The following UNC5D variants were observed in gnomAD, a reference collection of about 807,000 sequenced individuals.
The protein encoded by UNC5D is unc-5 netrin receptor D.
Under a neutral mutation model 105.4 loss-of-function variants are expected in UNC5D, and 39 were observed. That is an observed-to-expected ratio of 0.37 (90% confidence interval 0.29 to 0.48). UNC5D has a LOEUF of 0.48. Ranked by LOEUF, UNC5D falls within the 20% of genes least tolerant of loss-of-function variation. The pLI is 0.98. For synonymous variants in UNC5D, 452 were observed against 450.4 expected, an observed-to-expected ratio of 1.00 and a Z score of -0.04; for missense variants, 991 against 1,202.4, an observed-to-expected ratio of 0.82 and a Z score of 2.60.
At chr8:35,419,343 G>A (rs1805734842) in intron 1 of UNC5D, among the ~76,000 whole-genome samples, 1 of 152,150 alleles carries the variant, frequency 6.6e-6, no homozygotes, top group Admixed American at 6.5e-5. Context: ...CTTCCCACTT[G>A]GCCAAGCAGG....
chr8:35,605,991 T>A (rs1820266976), intron 4 of UNC5D, among the ~76,000 whole-genome samples: 2 of 151,928 alleles, frequency 1.3e-5, no homozygotes, highest in African/African-American at 4.8e-5. Context: ...TTTATTTATT[T>A]TTTATTTTTT....
At chr8:35,636,522 C>T (rs536324335) in intron 4 of UNC5D, among the ~76,000 whole-genome samples, 5 of 152,114 alleles carry the variant, frequency 3.3e-5, no homozygotes, top group Non-Finnish European at 7.3e-5. Context: ...GTTCCCCTAG[C>T]ATGGAGATAC....
chr8:35,308,859 A>G (rs1275061526), intron 1 of UNC5D, among the ~76,000 whole-genome samples: 1 of 152,190 alleles, frequency 6.6e-6, no homozygotes, highest in Non-Finnish European at 1.5e-5. Flanking sequence ...AATTGAAAAA[A>G]AAAATTATGA....
chr8:35,748,714 T>C lies in UNC5D; in HGVS notation c.1935+19T>C. 3 of 1,607,124 alleles carry C rather than the reference T, an allele frequency of 1.9e-6. No individual in the cohort carries two copies. The highest frequency in any genetic ancestry group is 2.5e-6 in the Non-Finnish European group (3 of 1,177,202). ...ATGGGAGGTGAGACCCTTTACTTCCTTTTTTAAACAGTGGGATTTGGGTTC... is the reference window on the plus strand; with the variant it reads ...ATGGGAGGTGAGACCCTTTACTTCCCTTTTTAAACAGTGGGATTTGGGTTC... On this transcript the variant is annotated intron_variant, in intron 12 of 16. Coordinates refer to ENST00000404895, the MANE Select transcript of UNC5D (RefSeq NM_080872.4).
intron 3 of UNC5D, among the ~76,000 whole-genome samples, chr8:35,580,941 G>A (rs900058027): frequency 6.6e-6 from 1 of 152,174 alleles, no homozygotes; most frequent in Non-Finnish European, 1.5e-5. Flanking sequence ...GAGTTACAGA[G>A]TGAGGAAGTA....
At chr8:35,381,412 T>C (rs1347202289) in intron 1 of UNC5D, among the ~76,000 whole-genome samples, 1 of 152,184 alleles carries the variant, frequency 6.6e-6, no homozygotes, top group Non-Finnish European at 1.5e-5. Flanking sequence ...CTACACTGGC[T>C]GTGTTAACAG....
chr8:35,703,647 T>C (rs952759325), intron 7 of UNC5D, among the ~76,000 whole-genome samples: 32 of 152,230 alleles, frequency 2.1e-4, no homozygotes, highest in Non-Finnish European at 4.0e-4. Context: ...CTGTATTAGA[T>C]TTATTTTTCT....
At chr8:35,310,489 G>T (rs1038652282) in intron 1 of UNC5D, among the ~76,000 whole-genome samples, 4 of 152,026 alleles carry the variant, frequency 2.6e-5, no homozygotes, top group Non-Finnish European at 4.4e-5. Context: ...GTGTGGTAAC[G>T]CATCCCTGTA....
chr8:35,752,648 C>T (rs1385814000), intron 13 of UNC5D, among the ~76,000 whole-genome samples: 1 of 152,126 alleles, frequency 6.6e-6, no homozygotes, highest in Non-Finnish European at 1.5e-5. Context: ...CTGCACTCCC[C>T]ACCCCACAAT....
chr8:35,236,116 C>A (rs1031928039), intron 1 of UNC5D, among the ~76,000 whole-genome samples: 1 of 152,180 alleles, frequency 6.6e-6, no homozygotes, highest in Non-Finnish European at 1.5e-5. Context: ...GGGCCCCTAC[C>A]GTTTTCCTGG....
Position 35,715,148 on chromosome 8 carries a change from T to A in UNC5D, c.1118-7062T>A, listed in dbSNP as rs570421073. On this transcript the variant is annotated intron_variant, in intron 8 of 16. Transcript: ENST00000404895. Reference sequence around the variant, plus strand: ...CCTGGGCAACAAGAGCAAAACTCTGTCTCAAAAAAACAAACAAAAAAAAGA... The same window carrying A: ...CCTGGGCAACAAGAGCAAAACTCTGACTCAAAAAAACAAACAAAAAAAAGA... Among the ~76,000 whole-genome samples, 23 of 152,190 alleles carry A rather than the reference T, an allele frequency of 1.5e-4. No homozygotes were observed. The South Asian group carries it at 4.6e-3, about 30-fold the overall frequency.
chr8:35,547,978 A>C (rs1438080444), intron 1 of UNC5D, among the ~76,000 whole-genome samples: 1 of 152,192 alleles, frequency 6.6e-6, no homozygotes. Flanking sequence ...AAGGGCAGAA[A>C]GCATCCAGCA....
chr8:35,754,935 G>A (rs1028324861), intron 13 of UNC5D, among the ~76,000 whole-genome samples: 7 of 152,140 alleles, frequency 4.6e-5, no homozygotes, highest in Admixed American at 3.9e-4. Context: ...AAATAAAAAT[G>A]TCATCTCCCT....
intron 8 of UNC5D, among the ~76,000 whole-genome samples, chr8:35,715,393 T>C (rs1586512578): frequency 6.6e-6 from 1 of 152,358 alleles, no homozygotes; most frequent in Non-Finnish European, 1.5e-5. Context: ...AAGACAAGCT[T>C]GCTTTTTGCA....
intron 1 of UNC5D, among the ~76,000 whole-genome samples, chr8:35,252,634 T>C (rs1803786291): frequency 6.6e-6 from 1 of 152,218 alleles, no homozygotes; most frequent in South Asian, 2.1e-4. Flanking sequence ...TGTGTGGCTA[T>C]ACCATAATTT....
intron 4 of UNC5D, among the ~76,000 whole-genome samples, chr8:35,676,584 A>G (rs2131303464): frequency 6.6e-6 from 1 of 152,346 alleles, no homozygotes; most frequent in South Asian, 2.1e-4. Flanking sequence ...AGGGATTTAC[A>G]GTGTAGGCAA....
chr8:35,529,203 T>C (rs1490462511), intron 1 of UNC5D, among the ~76,000 whole-genome samples: 1 of 122,854 alleles, frequency 8.1e-6, no homozygotes, highest in Non-Finnish European at 1.6e-5. Context: ...AAGTCTTTAA[T>C]CCATCTTGAA....
intron 4 of UNC5D, among the ~76,000 whole-genome samples, chr8:35,641,366 C>CAAAAAAAAAAAAAAAAAAAAAAAAACA (rs377021599): frequency 2.3e-5 from 1 of 44,290 alleles, no homozygotes; most frequent in Non-Finnish European, 4.2e-5. Flanking sequence ...AAAAATAAAG[C>CAAAAAAAAAAAAAAAAAAAAAAAAACA]AAAAAAAAAA....
At chr8:35,381,953 TGTA>T (rs1343693160) in intron 1 of UNC5D, among the ~76,000 whole-genome samples, 5 of 152,366 alleles carry the variant, frequency 3.3e-5, no homozygotes, top group African/African-American at 9.6e-5. Flanking sequence ...AGTGAGAAGA[TGTA>T]GTACAGAAAC....
Sources: gnomAD v4.1 joint callset for allele counts (sites outside exome capture counted in the v4.1 genomes callset) on GRCh38, gnomAD v4.1.1 for gene constraint, MANE v1.5 for transcripts, NCBI Gene and HGNC (gene_info 2026-07-23, HGNC 2026-07-21) for gene names.